GPR39: variants seen among roughly 807,000 people sequenced by gnomAD.
The protein encoded by GPR39 is G protein-coupled receptor 39.
A neutral mutation model predicts 18.4 loss-of-function variants in GPR39; 23 were observed. The observed-to-expected ratio is 1.25, with a 90% CI of 0.90 to 1.77. The LOEUF is 1.77. GPR39 is among the 40% of genes most tolerant of loss of function. The probability of loss-of-function intolerance (pLI) is 0.00; values close to 1 mark genes in which losing one functional copy is unlikely to be tolerated. For missense variants in GPR39, 647 were observed against 602.4 expected, an observed-to-expected ratio of 1.07 and a Z score of -0.78; for synonymous variants, 280 against 257.9, an observed-to-expected ratio of 1.09 and a Z score of -0.82.
chr2:132,553,109 A>G (rs922221620), intron 1 of GPR39, among the ~76,000 whole-genome samples: 4 of 151,278 alleles, frequency 2.6e-5, no homozygotes, highest in Admixed American at 2.6e-4. Context: ...TATTTTTAGT[A>G]GAGATGGGGT....
chr2:132,600,419 A>G (rs1403160838), intron 1 of GPR39, among the ~76,000 whole-genome samples: 1 of 152,206 alleles, frequency 6.6e-6, no homozygotes, highest in Non-Finnish European at 1.5e-5. Flanking sequence ...TAAACAAAAT[A>G]GAGGAAAAAA....
chr2:132,595,148 G>A (rs754339320), intron 1 of GPR39, among the ~76,000 whole-genome samples: 5 of 152,096 alleles, frequency 3.3e-5, no homozygotes, highest in African/African-American at 7.2e-5. Context: ...ACCGGCGTAC[G>A]CTACCATGCC....
intron 1 of GPR39, among the ~76,000 whole-genome samples, chr2:132,587,681 C>T (rs1265440485): frequency 6.6e-6 from 1 of 151,826 alleles, no homozygotes; most frequent in Non-Finnish European, 1.5e-5. Flanking sequence ...ATTACAGGCA[C>T]CCACCACCAC....
chr2:132,479,022 C>T (rs1197525609), intron 1 of GPR39, among the ~76,000 whole-genome samples: 3 of 151,916 alleles, frequency 2.0e-5, no homozygotes, highest in Non-Finnish European at 4.4e-5. Flanking sequence ...AAAACCAAAA[C>T]CTTCTTTCCC....
intron 1 of GPR39, among the ~76,000 whole-genome samples, chr2:132,427,338 T>C (rs932665179): frequency 7.4e-5 from 11 of 149,064 alleles, no homozygotes; most frequent in African/African-American, 2.7e-4. Context: ...TAATATATTT[T>C]TTTTTATTTT....
At chr2:132,593,359 T>C (rs1458601398) in intron 1 of GPR39, among the ~76,000 whole-genome samples, 1 of 152,180 alleles carries the variant, frequency 6.6e-6, no homozygotes, top group Admixed American at 6.5e-5. Context: ...TGGTTGGTTT[T>C]TCTGGTGTGA....
intron 1 of GPR39, among the ~76,000 whole-genome samples, chr2:132,501,930 A>G (rs562696244): frequency 1.3e-5 from 2 of 152,256 alleles, no homozygotes; most frequent in East Asian, 3.9e-4. Flanking sequence ...TGCATGGAGT[A>G]TCTTTTTCCA....
In GPR39 at chr2:132,616,994, T is replaced by A. The variant is rs183350237; in HGVS notation, c.857-28107T>A. 1.8e-3 allele frequency among the ~76,000 whole-genome samples: 276 copies of A among 152,318 alleles called. 2 individuals carry two copies. The highest frequency in any genetic ancestry group is 5.7e-3 in the African/African-American group (239 of 41,570). ...ACAAACCCATTCATAGAGACATTTTTAAAAAATTTTTTTCCAGTAGCACAG... is the reference window on the plus strand; with the variant it reads ...ACAAACCCATTCATAGAGACATTTTAAAAAAATTTTTTTCCAGTAGCACAG... On this transcript the variant is annotated intron_variant, in intron 1 of 1. Coordinates refer to ENST00000329321, the MANE Select transcript of GPR39 (RefSeq NM_001508.3).
intron 1 of GPR39, among the ~76,000 whole-genome samples, chr2:132,616,812 A>C (rs1217088375): frequency 6.6e-6 from 1 of 152,194 alleles, no homozygotes; most frequent in Non-Finnish European, 1.5e-5. Flanking sequence ...TTGCTCAAAA[A>C]ACTGTTTTGA....
At chr2:132,528,253 T>G (rs1679547964) in intron 1 of GPR39, among the ~76,000 whole-genome samples, 1 of 152,200 alleles carries the variant, frequency 6.6e-6, no homozygotes, top group Non-Finnish European at 1.5e-5. Flanking sequence ...TATGTGGTGT[T>G]ATTTCTGAGT....
intron 1 of GPR39, among the ~76,000 whole-genome samples, chr2:132,538,980 G>A (rs183718615): frequency 5.3e-5 from 8 of 152,280 alleles, no homozygotes; most frequent in African/African-American, 1.9e-4. Context: ...CAAGCCAGTG[G>A]TTCTTAGCTC....
chr2:132,571,762 C>T (rs146659454), intron 1 of GPR39, among the ~76,000 whole-genome samples: 170 of 152,216 alleles, frequency 1.1e-3, no homozygotes, highest in African/African-American at 3.8e-3. Context: ...AGATTTCAGT[C>T]TCTTTGAGGA....
At chr2:132,587,903 C>G (rs889428308) in intron 1 of GPR39, among the ~76,000 whole-genome samples, 5 of 152,120 alleles carry the variant, frequency 3.3e-5, no homozygotes, top group African/African-American at 1.2e-4. Context: ...GGTGATGGAA[C>G]AGAGAGGGCA....
intron 1 of GPR39, among the ~76,000 whole-genome samples, chr2:132,472,001 T>C (rs950624555): frequency 3.3e-5 from 5 of 152,074 alleles, no homozygotes; most frequent in Non-Finnish European, 5.9e-5. Flanking sequence ...TGCCACCAGG[T>C]TGGTCTTCTC....
At chr2:132,526,542 A>G (rs1206701036) in intron 1 of GPR39, among the ~76,000 whole-genome samples, 1 of 152,240 alleles carries the variant, frequency 6.6e-6, no homozygotes, top group Non-Finnish European at 1.5e-5. Context: ...AACACAGCTC[A>G]GCATGAGCTT....
intron 1 of GPR39, among the ~76,000 whole-genome samples, chr2:132,560,763 C>T (rs1168459871): frequency 6.6e-6 from 1 of 152,178 alleles, no homozygotes; most frequent in Non-Finnish European, 1.5e-5. Context: ...TCCAAACATC[C>T]TGCGTGGGCA....
At chr2:132,638,329 G>T (rs1681800647) in intron 1 of GPR39, among the ~76,000 whole-genome samples, 1 of 152,168 alleles carries the variant, frequency 6.6e-6, no homozygotes, top group Non-Finnish European at 1.5e-5. Flanking sequence ...CCCTACAAGT[G>T]CCCACTGAGC....
intron 1 of GPR39, among the ~76,000 whole-genome samples, chr2:132,519,924 A>C (rs572715419): frequency 6.6e-6 from 1 of 152,168 alleles, no homozygotes; most frequent in African/African-American, 2.4e-5. Flanking sequence ...TCTAAAATGC[A>C]AATGGGACCC....
Position 132,532,067 on chromosome 2 carries a change from T to G in GPR39, c.857-113034T>G, listed in dbSNP as rs542356698. On this transcript the variant is annotated intron_variant, in intron 1 of 1. Transcript: ENST00000329321. ...AAAATCAATGAATCCAGGAGCTGGT[T>G]TTTTGAAAGATCAACAAAATTGATA... 2.2e-3 allele frequency among the ~76,000 whole-genome samples: 342 copies of G among 152,234 alleles called. 2 individuals are homozygous for G. The highest frequency in any genetic ancestry group is 3.9e-3 in the Non-Finnish European group (267 of 68,022).
Sources: allele counts gnomAD v4.1 joint callset (sites outside exome capture counted in the v4.1 genomes callset), GRCh38; gene constraint gnomAD v4.1.1; transcripts MANE v1.5; gene names NCBI Gene and HGNC (gene_info 2026-07-23, HGNC 2026-07-21).